The following MCTP2 variants were observed in gnomAD, a reference collection of about 807,000 sequenced individuals.
MCTP2 encodes the protein multiple C2 and transmembrane domain containing 2.
A neutral mutation model predicts 111.6 loss-of-function variants in MCTP2; 132 were observed. The ratio of observed to expected loss-of-function variants is 1.18; its 90% CI spans 1.03 to 1.37. The LOEUF is 1.37. Among genes scored for constraint, MCTP2 ranks in the 40% most tolerant of loss-of-function variants. The probability of loss-of-function intolerance (pLI) is 0.00; values close to 1 mark genes in which losing one functional copy is unlikely to be tolerated. For synonymous variants in MCTP2, 395 were observed against 387.7 expected, an observed-to-expected ratio of 1.02 and a Z score of -0.22; for missense variants, 1,183 against 1,067.9, an observed-to-expected ratio of 1.11 and a Z score of -1.50.
At chr15:94,335,708 G>A (rs1223018457) in intron 4 of MCTP2, among the ~76,000 whole-genome samples, 1 of 152,134 alleles carries the variant, frequency 6.6e-6, no homozygotes, top group Non-Finnish European at 1.5e-5. Flanking sequence ...CCATTATTTA[G>A]TAACTAGTTA....
intron 7 of MCTP2, 142 bp from the exon 8 acceptor site, chr15:94,344,987 T>G (rs772356978): frequency 4.4e-5 from 41 of 924,452 alleles, no homozygotes; most frequent in Non-Finnish European, 6.1e-5. Context: ...CAAATATGCT[T>G]TCTCTATAAC....
At chr15:94,442,986 C>CAA in intron 19 of MCTP2, 26 bp downstream of exon 19, 1 of 1,591,220 alleles carries the variant, frequency 6.3e-7, no homozygotes, top group African/African-American at 1.4e-5. Context: ...AAAGAACACA[C>CAA]ACAAAAAAAC....
At chr15:94,363,836 T>C (rs2079056611) in intron 10 of MCTP2, among the ~76,000 whole-genome samples, 1 of 152,150 alleles carries the variant, frequency 6.6e-6, no homozygotes, top group African/African-American at 2.4e-5. Flanking sequence ...TTTAGTCTCC[T>C]TGTGTGTGAA....
intron 1 of MCTP2, chr15:94,232,117 T>C (rs1260545401): frequency 6.6e-6 from 1 of 152,182 alleles, no homozygotes; most frequent in Non-Finnish European, 1.5e-5. Flanking sequence ...CAGAAATCCT[T>C]GGGATAATTG....
At chr15:94,435,628 T>C (rs977512164) in intron 17 of MCTP2, among the ~76,000 whole-genome samples, 1 of 138,656 alleles carries the variant, frequency 7.2e-6, no homozygotes, top group African/African-American at 2.7e-5. Context: ...CTTTTTTTAT[T>C]CTTTTTTTTT....
At chr15:94,386,445 G>A (rs989993880) in intron 14 of MCTP2, among the ~76,000 whole-genome samples, 11 of 152,288 alleles carry the variant, frequency 7.2e-5, no homozygotes, top group South Asian at 2.1e-4. Context: ...GAGGAATGCC[G>A]TACTTCTTAC....
In MCTP2 at chr15:94,478,977, A is replaced by G. The variant is rs1301878519; in HGVS notation, c.2580A>G (p.Ala860=). 1.2e-6 allele frequency: 2 copies of G among 1,613,926 alleles called. No individual in the cohort carries two copies. Among genetic ancestry groups the G allele is most frequent in the Non-Finnish European group, 8.5e-7 (1 of 1,180,004 alleles). ...ATTTGTTTTCACAGGTGCAGTATGC[A>G]GAATTGAAACTCTGCAGCAGCCACA... The part of the protein sequence containing the change: ...VPSDVQKVQY[A]ELKLCSSHSP... The change falls in exon 23 of 23, where the codon GCA becomes GCG. Residue 860 remains alanine, a synonymous_variant. Coordinates refer to ENST00000357742, the MANE Select transcript of MCTP2 (RefSeq NM_001385001.1).
rs572451379 is a variant in MCTP2 at position 94,324,142 on chromosome 15, A to G, written c.637+8505A>G. 2.6e-5 allele frequency among the ~76,000 whole-genome samples: 4 copies of G among 152,310 alleles called. No homozygotes were observed. The South Asian group carries it at 8.3e-4, about 32-fold the overall frequency. ...AAACTGAACCCTGGGTCCATTTCCCATGGGAAGGAATGTGGCCGAGGAGGA... is the reference window on the plus strand; with the variant it reads ...AAACTGAACCCTGGGTCCATTTCCCGTGGGAAGGAATGTGGCCGAGGAGGA... On this transcript the variant is annotated intron_variant, in intron 4 of 22. Transcript: ENST00000357742.
In MCTP2 at chr15:94,470,443, G is replaced by A. The variant is rs765132566; in HGVS notation, c.2470+1G>A. The A allele has an allele frequency of 1.3e-6, 2 of 1,594,926 alleles. No homozygotes were observed. Reference sequence around the variant, plus strand: ...CTGCGGTACATCATTTTAATCTGGGGTAAGTTTGGAATGGTCCTTTTGCTA... The same window carrying A: ...CTGCGGTACATCATTTTAATCTGGGATAAGTTTGGAATGGTCCTTTTGCTA... On this transcript the variant is annotated splice_donor_variant, in intron 21 of 22. Transcript: ENST00000357742. LOFTEE classifies it high-confidence loss of function.
chr15:94,236,421 G>A (rs913864343), intron 1 of MCTP2, among the ~76,000 whole-genome samples: 2 of 115,798 alleles, frequency 1.7e-5, no homozygotes, highest in Non-Finnish European at 3.3e-5. Context: ...ATAGCCCCAT[G>A]GTGTCAAGCA....
At chr15:94,299,104 G>T (rs1259768466) in intron 2 of MCTP2, among the ~76,000 whole-genome samples, 4 of 140,986 alleles carry the variant, frequency 2.8e-5, no homozygotes, top group African/African-American at 8.0e-5. Flanking sequence ...TAGCTCAGAT[G>T]GGGAGAATGT....
At chr15:94,343,780 G>A (rs991338619) in intron 7 of MCTP2, 7 of 152,204 alleles carry the variant, frequency 4.6e-5, no homozygotes, top group African/African-American at 1.7e-4. Context: ...AGGATAAAAA[G>A]AGTGTCTGTT....
chr15:94,276,135 T>C (rs10152564), intron 1 of MCTP2, among the ~76,000 whole-genome samples: 49,393 of 152,022 alleles, frequency 0.32, 8,315 homozygotes, highest in African/African-American at 0.41. Context: ...TGAGCCACCG[T>C]GCCTGGCCTT....
chr15:94,394,871 C>A (rs889759707), intron 14 of MCTP2, among the ~76,000 whole-genome samples: 1 of 152,016 alleles, frequency 6.6e-6, no homozygotes, highest in African/African-American at 2.4e-5. Flanking sequence ...TTTGTAGGAG[C>A]AGCTTATATT....
intron 2 of MCTP2, among the ~76,000 whole-genome samples, chr15:94,307,997 C>T (rs1411060350): frequency 6.6e-6 from 1 of 152,026 alleles, no homozygotes; most frequent in Non-Finnish European, 1.5e-5. Flanking sequence ...ATAGCAACAC[C>T]AATCTAATGC....
chr15:94,410,914 G>A (rs2082123444), intron 17 of MCTP2, among the ~76,000 whole-genome samples: 1 of 152,316 alleles, frequency 6.6e-6, no homozygotes, highest in African/African-American at 2.4e-5. Context: ...ATTCTTGTCT[G>A]TTATGCATTT....
At chr15:94,287,818 C>G (rs532602912) in intron 1 of MCTP2, among the ~76,000 whole-genome samples, 3 of 152,120 alleles carry the variant, frequency 2.0e-5, no homozygotes, top group Admixed American at 2.0e-4. Context: ...AATTATCCAG[C>G]GTGAATTTAA....
chr15:94,471,868 T>A (rs963936611), intron 21 of MCTP2, among the ~76,000 whole-genome samples: 1 of 152,212 alleles, frequency 6.6e-6, no homozygotes, highest in Non-Finnish European at 1.5e-5. Flanking sequence ...TACTATCTTG[T>A]TTACTGATAA....
At chr15:94,355,056 T>G (rs1428944393) in intron 8 of MCTP2, among the ~76,000 whole-genome samples, 2 of 152,218 alleles carry the variant, frequency 1.3e-5, no homozygotes, top group Non-Finnish European at 2.9e-5. Flanking sequence ...TGAACTCTGC[T>G]AACTAAATGC....
Sources: allele counts gnomAD v4.1 joint callset (sites outside exome capture counted in the v4.1 genomes callset), GRCh38; gene constraint gnomAD v4.1.1; transcripts MANE v1.5; gene names NCBI Gene and HGNC (gene_info 2026-07-23, HGNC 2026-07-21).